The following PVT1 variants were observed in gnomAD, a reference collection of about 807,000 sequenced individuals.
PVT1 encodes Pvt1 oncogene.
chr8:128,032,352 A>G (rs936615922), intron 4 of PVT1, among the ~76,000 whole-genome samples: 1 of 152,212 alleles, frequency 6.6e-6, no homozygotes, highest in African/African-American at 2.4e-5. Context: ...TGCTTCCTTC[A>G]TGAACTTCGT....
chr8:127,888,192 G>A (rs1052377686), intron 2 of PVT1, among the ~76,000 whole-genome samples: 3 of 151,178 alleles, frequency 2.0e-5, no homozygotes, highest in Admixed American at 6.6e-5. Flanking sequence ...CACCCGCCTC[G>A]GCCTCCCAAA....
At chr8:127,938,194 C>T (rs1305842564) in intron 3 of PVT1, among the ~76,000 whole-genome samples, 2 of 152,214 alleles carry the variant, frequency 1.3e-5, no homozygotes, top group Non-Finnish European at 2.9e-5. Context: ...AGCGCCAGCC[C>T]TGCTTTTATC....
chr8:127,919,914 T>C (rs972213203), intron 3 of PVT1, among the ~76,000 whole-genome samples: 3 of 152,182 alleles, frequency 2.0e-5, no homozygotes, highest in Non-Finnish European at 1.5e-5. Flanking sequence ...GGTAGGCAGG[T>C]GCAATTTCTG....
intron 3 of PVT1, among the ~76,000 whole-genome samples, chr8:127,971,088 T>C (rs1412328163): frequency 1.3e-5 from 2 of 152,254 alleles, no homozygotes; most frequent in African/African-American, 4.8e-5. Flanking sequence ...TAAAATAGTT[T>C]CTGTCTAACC....
At chr8:127,808,880 A>G (rs911737881) in intron 2 of PVT1, among the ~76,000 whole-genome samples, 3 of 151,848 alleles carry the variant, frequency 2.0e-5, no homozygotes, top group Non-Finnish European at 2.9e-5. Flanking sequence ...AAATACAAAA[A>G]TTAGCCAGGA....
intron 3 of PVT1, among the ~76,000 whole-genome samples, chr8:127,927,472 A>C (rs1171594993): frequency 6.6e-6 from 1 of 152,138 alleles, no homozygotes; most frequent in Non-Finnish European, 1.5e-5. Flanking sequence ...TTTAAATGCT[A>C]CCTCTTCCAT....
intron 2 of PVT1, among the ~76,000 whole-genome samples, chr8:127,846,786 C>G (rs1048439020): frequency 4.0e-5 from 6 of 151,766 alleles, no homozygotes; most frequent in Non-Finnish European, 7.4e-5. Context: ...ATTCTCCTGC[C>G]TCACCCTCCC....
intron 2 of PVT1, among the ~76,000 whole-genome samples, chr8:127,845,250 T>A (rs1815019191): frequency 6.6e-6 from 1 of 152,182 alleles, no homozygotes; most frequent in African/African-American, 2.4e-5. Flanking sequence ...AGGTGGCTTG[T>A]TTCCTTGGAG....
At chr8:127,846,851 T>G (rs1815039849) in intron 2 of PVT1, among the ~76,000 whole-genome samples, 1 of 151,828 alleles carries the variant, frequency 6.6e-6, no homozygotes, top group East Asian at 1.9e-4. Context: ...TTTTTTTTTT[T>G]TGTATTTTTG....
intron 3 of PVT1, among the ~76,000 whole-genome samples, chr8:127,920,336 G>T (rs1346289640): frequency 6.6e-6 from 1 of 152,170 alleles, no homozygotes; most frequent in Non-Finnish European, 1.5e-5. Context: ...ACTGAGTGAG[G>T]CCCCAGGCTC....
chr8:128,002,971 TC>T (rs1434678970), intron 4 of PVT1, among the ~76,000 whole-genome samples: 9 of 57,288 alleles, frequency 1.6e-4, no homozygotes, highest in African/African-American at 3.7e-4. Context: ...CCCTCCCTCT[TC>T]CTTCCTTCCT....
At chr8:127,984,488 C>T (rs1408351359) in intron 3 of PVT1, among the ~76,000 whole-genome samples, 1 of 152,170 alleles carries the variant, frequency 6.6e-6, no homozygotes, top group Non-Finnish European at 1.5e-5. Flanking sequence ...CAATTAGACC[C>T]TGAGAATAAC....
chr8:127,868,238 C>A lies in PVT1; in HGVS notation n.373-22351C>A, dbSNP rs76561459. Among the ~76,000 whole-genome samples, 556 of 152,166 alleles carry A rather than the reference C, an allele frequency of 3.7e-3. 7 individuals carry two copies. Among genetic ancestry groups the A allele is most frequent in the African/African-American group, 0.013 (532 of 41,510 alleles). On this transcript the variant is annotated intron_variant and non_coding_transcript_variant, in intron 2 of 10. Coordinates refer to ENST00000651587, the Ensembl canonical transcript of PVT1. ...GCACTAGCTCTCTGAGCTATAAGGC[C>A]TCAGGGTCTGTGGCATTCCCTACTC... is the stretch of plus-strand genomic sequence containing the variant.
intron 5 of PVT1, among the ~76,000 whole-genome samples, chr8:128,079,952 G>C (rs1391656844): frequency 6.6e-6 from 1 of 152,016 alleles, no homozygotes. Context: ...TTTCAATCTC[G>C]TGACCTCGTA....
At chr8:128,042,119 C>G (rs1287266843) in intron 4 of PVT1, among the ~76,000 whole-genome samples, 6 of 152,140 alleles carry the variant, frequency 3.9e-5, no homozygotes, top group Non-Finnish European at 8.8e-5. Flanking sequence ...AGTGTTGGTA[C>G]AAATAGTTTT....
chr8:127,805,075 C>T (rs564430826), intron 2 of PVT1, among the ~76,000 whole-genome samples: 71 of 151,650 alleles, frequency 4.7e-4, no homozygotes, highest in Non-Finnish European at 1.0e-4. Context: ...GCATTACAGG[C>T]GCTCACCACC....
At chr8:127,914,376 G>A (rs571554183) in intron 3 of PVT1, among the ~76,000 whole-genome samples, 2 of 146,226 alleles carry the variant, frequency 1.4e-5, no homozygotes, top group African/African-American at 2.5e-5. Context: ...AATGTAAGAT[G>A]ATACAGTCTC....
Position 127,883,418 on chromosome 8 carries a change from C to A in PVT1, n.373-7171C>A, listed in dbSNP as rs148163855. 4.4e-4 allele frequency among the ~76,000 whole-genome samples: 67 copies of A among 152,028 alleles called. 1 individual carries two copies. The highest frequency in any genetic ancestry group is 1.4e-3 in the African/African-American group (57 of 41,472). On this transcript the variant is annotated intron_variant and non_coding_transcript_variant, in intron 2 of 10. Coordinates refer to ENST00000651587, the Ensembl canonical transcript of PVT1. ...TTTTCGTTTTTCTTCCAAATGTCTT[C>A]GGCAGGGCCTCAGCTAGTGGAAATA...
intron 2 of PVT1, chr8:127,855,126 C>T: frequency 2.5e-6 from 1 of 398,730 alleles, no homozygotes. Flanking sequence ...CTCTCTTTCT[C>T]CCACGTGGCT....
Sources: allele counts gnomAD v4.1 joint callset (sites outside exome capture counted in the v4.1 genomes callset), GRCh38; gene constraint gnomAD v4.1.1; transcripts MANE v1.5; gene names NCBI Gene and HGNC (gene_info 2026-07-23, HGNC 2026-07-21).